USP24: variants seen among roughly 807,000 people sequenced by gnomAD.
USP24 encodes ubiquitin carboxyl-terminal hydrolase 24.
USP24 carries 97 observed loss-of-function variants against 361.6 expected under a neutral mutation model. The ratio of observed to expected loss-of-function variants is 0.27; its 90% CI spans 0.23 to 0.32. The LOEUF is 0.32. USP24 is among the 10% of genes least tolerant of loss of function. The pLI is 1.00. For synonymous variants in USP24, 1,098 were observed against 1,124.6 expected (o/e 0.98, Z 0.47); for missense variants, 2,353 against 3,165.6 (o/e 0.74, Z 6.16).
At chr1:55,200,029 C>T (rs1644529502) in intron 1 of USP24, among the ~76,000 whole-genome samples, 1 of 152,148 alleles carries the variant, frequency 6.6e-6, no homozygotes, top group South Asian at 2.1e-4. Flanking sequence ...ACTTATTCAC[C>T]ACCACGAGAA....
intron 8 of USP24, among the ~76,000 whole-genome samples, chr1:55,160,178 G>A (rs912423537): frequency 6.6e-6 from 1 of 152,058 alleles, no homozygotes; most frequent in Admixed American, 6.5e-5. Flanking sequence ...ATGTGAGAAT[G>A]GTAAAGTATT....
chr1:55,091,447 GCTGTTGTTCTAAGGCATTACT>G (rs1410463236), intron 54 of USP24, among the ~76,000 whole-genome samples: 5 of 152,154 alleles, frequency 3.3e-5, no homozygotes, highest in African/African-American at 7.2e-5. Context: ...AATATTGGAG[GCTGTTGTTCTAAGGCATTACT>G]CTGGACATAC....
At chr1:55,211,726 A>G (rs2100961364) in intron 1 of USP24, among the ~76,000 whole-genome samples, 1 of 152,324 alleles carries the variant, frequency 6.6e-6, no homozygotes, top group East Asian at 1.9e-4. Context: ...TGCCCCTGGG[A>G]CAGGAAGGCA....
intron 1 of USP24, among the ~76,000 whole-genome samples, chr1:55,205,946 T>A (rs2100937112): frequency 6.6e-6 from 1 of 152,262 alleles, no homozygotes; most frequent in Non-Finnish European, 1.5e-5. Context: ...ATGAAAAAAT[T>A]AAGCATTTTA....
chr1:55,156,151 T>C (rs1490967337), intron 12 of USP24, among the ~76,000 whole-genome samples: 1 of 152,084 alleles, frequency 6.6e-6, no homozygotes, highest in Non-Finnish European at 1.5e-5. Flanking sequence ...ATTAATGAAA[T>C]AGACTGGAGA....
intron 20 of USP24, among the ~76,000 whole-genome samples, chr1:55,145,252 A>G (rs1570534899): frequency 6.6e-6 from 1 of 152,346 alleles, no homozygotes; most frequent in East Asian, 1.9e-4. Context: ...AGTGGCAACA[A>G]TCAAAATGTC....
chr1:55,091,935 T>C, intron 54 of USP24, 88 bp downstream of exon 54: 1 of 1,024,100 alleles, frequency 9.8e-7, no homozygotes, highest in South Asian at 1.6e-5. Context: ...GTAGCTGCTT[T>C]CACAATATTT....
At chr1:55,128,627 C>A (rs931793231) in intron 32 of USP24, among the ~76,000 whole-genome samples, 2 of 151,948 alleles carry the variant, frequency 1.3e-5, no homozygotes, top group African/African-American at 2.4e-5. Flanking sequence ...AACCTTATGA[C>A]CCTAAGCAAA....
intron 2 of USP24, among the ~76,000 whole-genome samples, chr1:55,177,275 C>G (rs185188680): frequency 1.3e-5 from 2 of 152,196 alleles, no homozygotes; most frequent in Admixed American, 1.3e-4. Flanking sequence ...AATAAGTTCC[C>G]TGTAAAATCA....
At chr1:55,122,469 G>A (rs79396670) in intron 36 of USP24, among the ~76,000 whole-genome samples, 3,878 of 152,226 alleles carry the variant, frequency 0.025, 61 homozygotes, top group Non-Finnish European at 0.037. Context: ...AGAAGCCACC[G>A]GAAGGCTTTC....
In USP24 at chr1:55,129,490, C is replaced by T; in HGVS notation, c.3622G>A (p.Ala1208Thr). Reference sequence around the variant, plus strand: ...TGAAACTCTAACCTCAAACCGCCAGCTTTGAGGAAGTTTTCACAGAAGGAT... The same window carrying T: ...TGAAACTCTAACCTCAAACCGCCAGTTTTGAGGAAGTTTTCACAGAAGGAT... ...AKSFCENFLK[A>T]GGLSLVVNVM... The change falls in exon 32 of 68, where the codon GCT becomes ACT. Residue 1208 changes from alanine to threonine, a missense_variant. Transcript: ENST00000294383. 1 of 1,613,760 alleles carries T rather than the reference C, an allele frequency of 6.2e-7. No homozygotes were observed. Among genetic ancestry groups the T allele is most frequent in the Non-Finnish European group, 8.5e-7 (1 of 1,179,754 alleles).
At chr1:55,149,825 C>T (rs1210699719) in intron 16 of USP24, among the ~76,000 whole-genome samples, 1 of 152,198 alleles carries the variant, frequency 6.6e-6, no homozygotes, top group African/African-American at 2.4e-5. Flanking sequence ...GAATGGCTTT[C>T]TCACTTAAAT....
At position 55,147,059 on chromosome 1, in the gene USP24, T is replaced by TTA. The variant is rs1387617275; in HGVS notation, c.2119_2120insTA (p.Tyr707LeufsTer3). 1 of 1,568,602 alleles carries TTA rather than the reference T, an allele frequency of 6.4e-7. No individual in the cohort carries two copies. The highest frequency in any genetic ancestry group is 1.4e-5 in the African/African-American group (1 of 71,866). Reference sequence around the variant, plus strand: ...TAGAAATTTTAGATGTGCCTCTAAATACTGCAAAAAGAAATAATGCTAATT... The same window carrying TTA: ...TAGAAATTTTAGATGTGCCTCTAAATTAACTGCAAAAAGAAATAATGCTAATT... On this transcript the variant is annotated frameshift_variant and splice_region_variant, in exon 19 of 68. Transcript: ENST00000294383. LOFTEE classifies it high-confidence loss of function.
chr1:55,077,919 A>G (rs1018024618), intron 61 of USP24, among the ~76,000 whole-genome samples: 8 of 152,380 alleles, frequency 5.3e-5, no homozygotes, highest in Middle Eastern at 6.8e-3. Flanking sequence ...TCAGTCATAG[A>G]GGAAGAAACT....
rs568754538 is a variant in USP24, at chr1:55,192,244, CTTCT to C, written c.325-14116_325-14113del. Among the ~76,000 whole-genome samples the C allele has an allele frequency of 3.7e-3, 560 of 152,226 alleles. 1 individual carries two copies. Among genetic ancestry groups the C allele is most frequent in the African/African-American group, 0.013 (527 of 41,538 alleles). On this transcript the variant is annotated intron_variant, in intron 1 of 67. Coordinates refer to ENST00000294383, the MANE Select transcript of USP24 (RefSeq NM_015306.3). ...AAGGATACATTACTGTAATTTAAGC[CTTCT>C]TTGTTGAAAGAAGTAAAACCTACTG...
At position 55,147,682 on chromosome 1, in the gene USP24, C is replaced by T. The variant is rs201036785; in HGVS notation, c.2085G>A (p.Ser695=). Residue 695 remains serine (S), a synonymous_variant, in exon 18 of 68, where the codon TCG becomes TCA. Coordinates refer to ENST00000294383, the MANE Select transcript of USP24 (RefSeq NM_015306.3). ...AVAGPGGLSG[S]TLVDGRYTYR... ...AAGTGTACCGGCCATCCACTAGTGT[C>T]GAGCCACTTAAGCCTCCAGGCCCGG... 3.4e-5 allele frequency: 55 copies of T among 1,610,028 alleles called. No homozygotes were observed. The highest frequency in any genetic ancestry group is 4.2e-5 in the Non-Finnish European group (50 of 1,178,138).
intron 21 of USP24, among the ~76,000 whole-genome samples, chr1:55,143,698 C>T (rs1220064375): frequency 6.6e-6 from 1 of 151,914 alleles, no homozygotes; most frequent in Non-Finnish European, 1.5e-5. Context: ...TTTCCTGCCT[C>T]ACTGTCTATT....
At chr1:55,181,619 T>A (rs1643968401) in intron 1 of USP24, among the ~76,000 whole-genome samples, 1 of 152,214 alleles carries the variant, frequency 6.6e-6, no homozygotes, top group Admixed American at 6.5e-5. Flanking sequence ...CCTAAGTGGG[T>A]ATACGTCATT....
intron 42 of USP24, among the ~76,000 whole-genome samples, chr1:55,102,683 T>C (rs1470763964): frequency 6.6e-6 from 1 of 151,366 alleles, no homozygotes; most frequent in Non-Finnish European, 1.5e-5. Context: ...GTCCAAAGCA[T>C]AGATTTAAAA....
Sources: gnomAD v4.1 joint callset for allele counts (sites outside exome capture counted in the v4.1 genomes callset) on GRCh38, gnomAD v4.1.1 for gene constraint, MANE v1.5 for transcripts, NCBI Gene and HGNC (gene_info 2026-07-23, HGNC 2026-07-21) for gene names.